The following UNC5D variants were observed in gnomAD, a reference collection of about 807,000 sequenced individuals.
The protein encoded by UNC5D is unc-5 netrin receptor D.
Under a neutral mutation model 105.4 loss-of-function variants are expected in UNC5D, and 39 were observed. That is an observed-to-expected ratio of 0.37 (90% CI 0.29 to 0.48). The LOEUF (loss-of-function observed/expected upper bound fraction) is 0.48, where lower values mean the gene tolerates loss of function less well. Among genes scored for constraint, UNC5D ranks in the 20% least tolerant of loss-of-function variants. The pLI is 0.98. For synonymous variants in UNC5D, 452 were observed against 450.4 expected (o/e 1.00, Z -0.04); for missense variants, 991 against 1,202.4 (o/e 0.82, Z 2.60).
chr8:35,603,779 T>G lies in UNC5D; in HGVS notation c.570+8122T>G, dbSNP rs544376912. Among the ~76,000 whole-genome samples the G allele has an allele frequency of 2.6e-5, 4 of 152,328 alleles. No individual in the cohort carries two copies. The South Asian group carries it at 8.3e-4, about 32-fold the overall frequency. On this transcript the variant is annotated intron_variant, in intron 4 of 16. Transcript: ENST00000404895. ...TAGTTAGTTCTTCTTGTTGAATTGA[T>G]CCCTTTACTATTATGTAATGGCCTT...
chr8:35,345,114 C>T (rs1811714333), intron 1 of UNC5D, among the ~76,000 whole-genome samples: 1 of 152,016 alleles, frequency 6.6e-6, no homozygotes, highest in Non-Finnish European at 1.5e-5. Context: ...TGTTTGCTAA[C>T]TCATAGGCAT....
chr8:35,606,308 C>G (rs1434053540), intron 4 of UNC5D, among the ~76,000 whole-genome samples: 1 of 152,012 alleles, frequency 6.6e-6, no homozygotes, highest in Non-Finnish European at 1.5e-5. Context: ...TTTGTAATTA[C>G]AACTTACATG....
At chr8:35,388,017 G>A (rs2128938200) in intron 1 of UNC5D, among the ~76,000 whole-genome samples, 1 of 152,194 alleles carries the variant, frequency 6.6e-6, no homozygotes, top group African/African-American at 2.4e-5. Flanking sequence ...CCAAGAATGG[G>A]ATAAGAAATA....
At chr8:35,415,426 A>T (rs1805467628) in intron 1 of UNC5D, among the ~76,000 whole-genome samples, 1 of 152,158 alleles carries the variant, frequency 6.6e-6, no homozygotes, top group Admixed American at 6.5e-5. Flanking sequence ...GTCATATATT[A>T]TTTAAAATCT....
intron 1 of UNC5D, among the ~76,000 whole-genome samples, chr8:35,390,059 G>A (rs1316968125): frequency 1.3e-5 from 2 of 152,170 alleles, no homozygotes; most frequent in African/African-American, 4.8e-5. Flanking sequence ...TCAGCTTCTG[G>A]GGAGGCCTCG....
intron 1 of UNC5D, among the ~76,000 whole-genome samples, chr8:35,271,326 TAC>T (rs1805287280): frequency 8.9e-6 from 1 of 111,872 alleles, no homozygotes; most frequent in Admixed American, 8.4e-5. Flanking sequence ...TGTATATGCA[TAC>T]ACACGTGCAT....
intron 1 of UNC5D, among the ~76,000 whole-genome samples, chr8:35,538,382 T>A (rs1486602896): frequency 9.0e-6 from 1 of 111,020 alleles, no homozygotes; most frequent in Non-Finnish European, 1.8e-5. Flanking sequence ...AGTCGTGATT[T>A]AAAAAAAAAT....
rs140670340 is a variant in UNC5D at position 35,663,088 on chromosome 8, A to T, written c.571-20459A>T. Among the ~76,000 whole-genome samples the T allele has an allele frequency of 7.9e-4, 120 of 152,280 alleles. 1 individual carries two copies. The highest frequency in any genetic ancestry group is 9.6e-4 in the Non-Finnish European group (65 of 68,024). ...TGGAAAAATTGTCTTCCACAAAACC[A>T]GTCCATGGTGCCAAAAAGGTTGAGG... On this transcript the variant is annotated intron_variant, in intron 4 of 16. Coordinates refer to ENST00000404895, the MANE Select transcript of UNC5D (RefSeq NM_080872.4).
chr8:35,236,082 C>A (rs1012619482), intron 1 of UNC5D, among the ~76,000 whole-genome samples, 195 bp downstream of exon 1: 2 of 152,190 alleles, frequency 1.3e-5, no homozygotes, highest in African/African-American at 4.8e-5. Context: ...CGATCTGCCG[C>A]AATCCTACAG....
At chr8:35,271,293 GTATA>G (rs1805274127) in intron 1 of UNC5D, among the ~76,000 whole-genome samples, 1 of 107,272 alleles carries the variant, frequency 9.3e-6, no homozygotes, top group African/African-American at 4.2e-5. Context: ...GTATGTATAT[GTATA>G]CACACATGCA....
chr8:35,291,507 G>A (rs1312022669), intron 1 of UNC5D, among the ~76,000 whole-genome samples: 2 of 152,158 alleles, frequency 1.3e-5, no homozygotes, highest in Admixed American at 1.3e-4. Context: ...TGGAGCTGAT[G>A]GTGGGAAAAC....
chr8:35,477,499 TG>T (rs1254301794), intron 1 of UNC5D, among the ~76,000 whole-genome samples: 29 of 152,294 alleles, frequency 1.9e-4, no homozygotes, highest in Middle Eastern at 3.4e-3. Flanking sequence ...AAGATGCAAC[TG>T]CTGATTATGC....
intron 1 of UNC5D, among the ~76,000 whole-genome samples, chr8:35,334,133 T>G (rs1374496388): frequency 6.6e-6 from 1 of 151,894 alleles, no homozygotes; most frequent in East Asian, 1.9e-4. Flanking sequence ...TGAAACACAG[T>G]GAAGAAAGCA....
At chr8:35,256,975 T>C (rs1804124376) in intron 1 of UNC5D, among the ~76,000 whole-genome samples, 1 of 151,072 alleles carries the variant, frequency 6.6e-6, no homozygotes, top group Non-Finnish European at 1.5e-5. Flanking sequence ...TTTTTTTTTT[T>C]GTTTTTTGTT....
At chr8:35,390,727 A>G (rs981360095) in intron 1 of UNC5D, among the ~76,000 whole-genome samples, 2 of 152,184 alleles carry the variant, frequency 1.3e-5, no homozygotes, top group Non-Finnish European at 2.9e-5. Context: ...AAATATCTCA[A>G]TAGTTTCTCT....
chr8:35,657,045 A>AGTGTGTGTGT (rs3076999), intron 4 of UNC5D, among the ~76,000 whole-genome samples: 10 of 70,920 alleles, frequency 1.4e-4, no homozygotes, highest in African/African-American at 6.3e-4. Context: ...AGTGCAGTGG[A>AGTGTGTGTGT]GTGTGTGTGT....
Position 35,711,063 on chromosome 8 carries a change from C to T in UNC5D, c.1117+5102C>T, listed in dbSNP as rs567518951. ...ACGCCATTCTCCTGCCTCAGCCTCCCGAGTAGCTGGGATTACAGGCGTGAG... is the reference window on the plus strand; with the variant it reads ...ACGCCATTCTCCTGCCTCAGCCTCCTGAGTAGCTGGGATTACAGGCGTGAG... On this transcript the variant is annotated intron_variant, in intron 8 of 16. Coordinates refer to ENST00000404895, the MANE Select transcript of UNC5D (RefSeq NM_080872.4). Among the ~76,000 whole-genome samples, 33 of 151,174 alleles carry T rather than the reference C, an allele frequency of 2.2e-4. 5 individuals are homozygous for T. Among genetic ancestry groups the T allele is most frequent in the African/African-American group, 7.8e-4 (32 of 40,886 alleles).
chr8:35,563,094 T>G (rs2130761898), intron 2 of UNC5D, among the ~76,000 whole-genome samples: 1 of 152,072 alleles, frequency 6.6e-6, no homozygotes, highest in South Asian at 2.1e-4. Flanking sequence ...TTCAGAGTTT[T>G]TTATGGGTCC....
intron 4 of UNC5D, among the ~76,000 whole-genome samples, chr8:35,597,408 G>A (rs1003040724): frequency 4.6e-5 from 7 of 152,176 alleles, no homozygotes; most frequent in African/African-American, 1.7e-4. Context: ...GCAAGGGACT[G>A]TATCCCTCTC....
Sources: gnomAD v4.1 joint callset for allele counts (sites outside exome capture counted in the v4.1 genomes callset) on GRCh38, gnomAD v4.1.1 for gene constraint, MANE v1.5 for transcripts, NCBI Gene and HGNC (gene_info 2026-07-23, HGNC 2026-07-21) for gene names.